Variants in CCDC169 observed in about 807,000 individuals in gnomAD.
CCDC169 encodes the protein coiled-coil domain containing 169, also known as coiled-coil domain-containing protein 169.
A neutral mutation model predicts 36.0 loss-of-function variants in CCDC169; 30 were observed. The observed-to-expected ratio is 0.83, with a 90% CI of 0.62 to 1.13. The LOEUF (loss-of-function observed/expected upper bound fraction) is 1.13. Among genes scored for constraint, CCDC169 ranks in the 50% most tolerant of loss-of-function variants. The probability of loss-of-function intolerance (pLI) is 0.00; values close to 1 mark genes in which losing one functional copy is unlikely to be tolerated. For missense variants in CCDC169, 245 were observed against 245.9 expected (o/e 1.00, Z 0.03); for synonymous variants, 85 against 81.5 (o/e 1.04, Z -0.23).
intron 2 of CCDC169, among the ~76,000 whole-genome samples, chr13:36,287,635 T>G (rs1594088177): frequency 6.6e-6 from 1 of 152,310 alleles, no homozygotes; most frequent in East Asian, 1.9e-4. Flanking sequence ...ACTCAAAAAT[T>G]AAGTCCAAAT....
At chr13:36,297,462 A>G (rs987037082) in intron 1 of CCDC169, among the ~76,000 whole-genome samples, 175 bp downstream of exon 1, 1 of 152,180 alleles carries the variant, frequency 6.6e-6, no homozygotes, top group Non-Finnish European at 1.5e-5. Context: ...AGGCTTACTC[A>G]AAGAGGCACG....
intron 2 of CCDC169, among the ~76,000 whole-genome samples, chr13:36,284,107 C>T (rs551727592): frequency 6.6e-6 from 1 of 151,716 alleles, no homozygotes; most frequent in Admixed American, 6.6e-5. Flanking sequence ...ATATACATAT[C>T]CATAAATATA....
intron 2 of CCDC169, among the ~76,000 whole-genome samples, chr13:36,284,401 TC>T (rs35183635): frequency 0.23 from 35,253 of 152,104 alleles, 4,658 homozygotes; most frequent in East Asian, 0.49. Context: ...CTCAAAGATG[TC>T]AATGTCAAAT....
At chr13:36,295,252 T>A (rs1260051541) in intron 2 of CCDC169, among the ~76,000 whole-genome samples, 1 of 152,172 alleles carries the variant, frequency 6.6e-6, no homozygotes, top group Non-Finnish European at 1.5e-5. Context: ...ATGAACCTCT[T>A]TAGAACAGGG....
Position 36,231,306 on chromosome 13 carries a change from G to A in CCDC169, c.546-14C>T, listed in dbSNP as rs1296835742. 1.9e-6 allele frequency: 3 copies of A among 1,549,884 alleles called. No individual in the cohort carries two copies. The highest frequency in any genetic ancestry group is 1.2e-5 in the South Asian group (1 of 83,910). On this transcript the variant is annotated splice_polypyrimidine_tract_variant and intron_variant, in intron 7 of 7. Coordinates refer to ENST00000239859, the MANE Select transcript of CCDC169 (RefSeq NM_001144981.3). The stretch of plus-strand genomic sequence containing the variant: ...TTATATCTTCCACTGAAATAAATAA[G>A]TGTTAATCATAATTTTTCAGTCACC...
At position 36,248,683 on chromosome 13, in the gene CCDC169, C is replaced by T. The variant is rs1040488355; in HGVS notation, c.469-1G>A. The T allele has an allele frequency of 9.0e-6, 14 of 1,549,214 alleles. No individual in the cohort carries two copies. The highest frequency in any genetic ancestry group is 1.2e-5 in the Non-Finnish European group (14 of 1,145,550). ...TAGAAACTTGATGTAAACCAGAACC[C>T]TGAAATACAAAAATTTGAGTGTTTA... On this transcript the variant is annotated splice_acceptor_variant, in intron 6 of 7. Coordinates refer to ENST00000239859, the MANE Select transcript of CCDC169 (RefSeq NM_001144981.3). LOFTEE classifies it high-confidence loss of function.
At chr13:36,292,467 T>C (rs993351403) in intron 2 of CCDC169, among the ~76,000 whole-genome samples, 1 of 152,204 alleles carries the variant, frequency 6.6e-6, no homozygotes, top group Non-Finnish European at 1.5e-5. Context: ...CTAAACTTTG[T>C]TGTGAAATTC....
intron 2 of CCDC169, among the ~76,000 whole-genome samples, 196 bp downstream of exon 2, chr13:36,295,582 T>C (rs893497959): frequency 6.6e-6 from 1 of 152,166 alleles, no homozygotes; most frequent in Non-Finnish European, 1.5e-5. Flanking sequence ...GAAAAATAAT[T>C]AAATAGTAAT....
intron 4 of CCDC169, among the ~76,000 whole-genome samples, chr13:36,273,671 G>C (rs1566081761): frequency 6.6e-6 from 1 of 152,140 alleles, no homozygotes; most frequent in Non-Finnish European, 1.5e-5. Flanking sequence ...GATCACATTT[G>C]AGATTGCTAA....
At chr13:36,270,789 T>G (rs1875947651) in intron 4 of CCDC169, among the ~76,000 whole-genome samples, 1 of 140,668 alleles carries the variant, frequency 7.1e-6, no homozygotes, top group Non-Finnish European at 1.6e-5. Flanking sequence ...GATCAAAGAC[T>G]TACATATAAG....
At chr13:36,247,386 C>T (rs1445151653) in intron 7 of CCDC169, among the ~76,000 whole-genome samples, 1 of 152,078 alleles carries the variant, frequency 6.6e-6, no homozygotes, top group Non-Finnish European at 1.5e-5. Context: ...TAAGTTTATA[C>T]CTGCCATAGA....
chr13:36,253,990 C>T (rs1190349288), intron 5 of CCDC169, 55 bp downstream of exon 5: 8 of 1,529,012 alleles, frequency 5.2e-6, no homozygotes, highest in Admixed American at 4.2e-5. Flanking sequence ...TTGTAGATAA[C>T]ATTAGAAATA....
chr13:36,292,777 T>C (rs1879055421), intron 2 of CCDC169, among the ~76,000 whole-genome samples: 1 of 152,180 alleles, frequency 6.6e-6, no homozygotes, highest in Non-Finnish European at 1.5e-5. Flanking sequence ...ATTCAGCATG[T>C]TGGTCTGCTG....
At chr13:36,243,763 G>A (rs566844221) in intron 7 of CCDC169, among the ~76,000 whole-genome samples, 17 of 152,108 alleles carry the variant, frequency 1.1e-4, no homozygotes, top group Non-Finnish European at 1.8e-4. Context: ...CCAAGATCGC[G>A]CCATGGCACT....
At chr13:36,234,513 T>C (rs1870840604) in intron 7 of CCDC169, among the ~76,000 whole-genome samples, 1 of 152,130 alleles carries the variant, frequency 6.6e-6, no homozygotes, top group South Asian at 2.1e-4. Flanking sequence ...CCAAGATGAA[T>C]ATCCAGACAC....
chr13:36,236,921 C>A (rs1255642853), intron 7 of CCDC169, among the ~76,000 whole-genome samples: 6 of 152,026 alleles, frequency 3.9e-5, no homozygotes, highest in African/African-American at 7.2e-5. Context: ...AAAACGGTGT[C>A]ATATTTCCAC....
chr13:36,272,703 G>A (rs1368692644), intron 4 of CCDC169, among the ~76,000 whole-genome samples: 1 of 152,116 alleles, frequency 6.6e-6, no homozygotes, highest in Non-Finnish European at 1.5e-5. Context: ...AGAGCTGAGA[G>A]TTCCATTATT....
chr13:36,273,919 T>A (rs1296275648), intron 4 of CCDC169, among the ~76,000 whole-genome samples: 1 of 152,180 alleles, frequency 6.6e-6, no homozygotes, highest in Non-Finnish European at 1.5e-5. Flanking sequence ...CTCCCAGCTC[T>A]GTGCGTGTTC....
chr13:36,250,103 T>C (rs1432596467), intron 6 of CCDC169, among the ~76,000 whole-genome samples: 1 of 152,180 alleles, frequency 6.6e-6, no homozygotes, highest in East Asian at 1.9e-4. Context: ...GATGGAGATG[T>C]GCACAGGTGC....
Sources: allele counts gnomAD v4.1 joint callset (sites outside exome capture counted in the v4.1 genomes callset), GRCh38; gene constraint gnomAD v4.1.1; transcripts MANE v1.5; gene names NCBI Gene and HGNC (gene_info 2026-07-23, HGNC 2026-07-21).